The following ACIN1 variants were observed in gnomAD, a reference collection of about 807,000 sequenced individuals.
ACIN1 encodes apoptotic chromatin condensation inducer in the nucleus.
Under a neutral mutation model 146.6 loss-of-function variants are expected in ACIN1, and 16 were observed. That is an observed-to-expected ratio of 0.11 (90% CI 0.07 to 0.17). The LOEUF (loss-of-function observed/expected upper bound fraction) is 0.17, where lower values mean the gene tolerates loss of function less well. Among genes scored for constraint, ACIN1 ranks in the 10% least tolerant of loss-of-function variants. ACIN1 has a pLI of 1.00. For missense variants in ACIN1, 1,357 were observed against 1,609.3 expected, an observed-to-expected ratio of 0.84 and a Z score of 2.68; for synonymous variants, 569 against 582.7, an observed-to-expected ratio of 0.98 and a Z score of 0.34.
chr14:23,078,098 C>A (rs2047845636), intron 8 of ACIN1, 53 bp downstream of exon 8: 10 of 1,542,422 alleles, frequency 6.5e-6, no homozygotes, highest in Non-Finnish European at 8.0e-6. Context: ...GAGCGAAGAA[C>A]TATCGCACAC....
intron 4 of ACIN1, among the ~76,000 whole-genome samples, chr14:23,083,898 T>C (rs2048016567): frequency 1.3e-5 from 2 of 152,148 alleles, no homozygotes; most frequent in South Asian, 4.2e-4. Flanking sequence ...TGTATAGTAA[T>C]AGTGCAAATA....
chr14:23,064,608 A>G (rs565102058), intron 10 of ACIN1, 120 bp from the exon 11 acceptor site: 10 of 1,397,642 alleles, frequency 7.2e-6, no homozygotes, highest in Middle Eastern at 2.6e-4. Flanking sequence ...TAAAGAAATC[A>G]TATTTGGAGG....
chr14:23,059,044 G>T lies in ACIN1; in HGVS notation c.*104C>A. 8.9e-7 allele frequency: 1 copy of T among 1,121,018 alleles called. No homozygotes were observed. The highest frequency in any genetic ancestry group is 1.4e-5 in the South Asian group (1 of 71,348). 69.4% of individuals were successfully genotyped at this position (1,121,018 alleles called of 1,614,324 possible). On this transcript the variant is annotated 3_prime_UTR_variant, in exon 19 of 19. Coordinates refer to ENST00000605057, the MANE Select transcript of ACIN1 (RefSeq NM_001386863.1). ...GTATGTATGTAGGGATAGGTGATGTGAAAGACCCTTGGCTCCAGGGTGGTG... is the reference window on the plus strand; with the variant it reads ...GTATGTATGTAGGGATAGGTGATGTTAAAGACCCTTGGCTCCAGGGTGGTG...
intron 4 of ACIN1, among the ~76,000 whole-genome samples, chr14:23,083,745 TC>T (rs1159835037): frequency 6.6e-6 from 1 of 151,884 alleles, no homozygotes; most frequent in African/African-American, 2.4e-5. Flanking sequence ...ACAAAAAAGA[TC>T]AACTATGTAC....
In ACIN1 at chr14:23,080,015, C is replaced by T. The variant is rs979866563; in HGVS notation, c.1320G>A (p.Glu440=). 1.2e-6 allele frequency: 2 copies of T among 1,613,984 alleles called. No individual in the cohort carries two copies. Among genetic ancestry groups the T allele is most frequent in the African/African-American group, 2.7e-5 (2 of 74,910 alleles). ...TTTTCTGAACCAGAGGCAGGACACT[C>T]TCCTCTGGCACTTTCTCTGCTGGAG... The part of the protein sequence containing the change: ...AESPAEKVPE[E]SVLPLVQKST... The change falls in exon 6 of 19, where the codon GAG becomes GAA. Residue 440 remains glutamate (E), a synonymous_variant. Coordinates refer to ENST00000605057, the MANE Select transcript of ACIN1 (RefSeq NM_001386863.1).
intron 16 of ACIN1, 120 bp from the exon 17 acceptor site, chr14:23,061,742 G>A (rs997128358): frequency 1.2e-6 from 1 of 861,730 alleles, no homozygotes; most frequent in African/African-American, 1.7e-5. Context: ...GGGAGGCCAA[G>A]GCGGTCAGAT....
Position 23,067,406 on chromosome 14 carries a change from T to C in ACIN1, c.2266-1398A>G. 1.0e-6 allele frequency: 1 copy of C among 984,154 alleles called. No homozygotes were observed. 61.0% of individuals were successfully genotyped at this position (984,154 alleles called of 1,614,324 possible). ...AGAATGAGCCCTCCCTGCTAGGCGC[T>C]GTGCAATTGGTGGGGGGTTGGGTTG... On this transcript the variant is annotated intron_variant, in intron 9 of 18. Coordinates refer to ENST00000605057, the MANE Select transcript of ACIN1 (RefSeq NM_001386863.1). The surrounding 1 kb of genome is among the most constrained non-coding windows in gnomAD (Gnocchi z 4.6).
Position 23,064,276 on chromosome 14 carries a change from C to A in ACIN1, c.2443-19G>T. On this transcript the variant is annotated intron_variant, in intron 11 of 18. Coordinates refer to ENST00000605057, the MANE Select transcript of ACIN1 (RefSeq NM_001386863.1). ...TGAGGCTCTGGGACACAGATACCCC[C>A]CACCCCGTTACACTGGGCCCATGTC... The A allele has an allele frequency of 6.2e-7, 1 of 1,613,988 alleles. No homozygotes were observed. Among genetic ancestry groups the A allele is most frequent in the South Asian group, 1.1e-5 (1 of 91,078 alleles).
In ACIN1 at chr14:23,089,928, C is replaced by T. The variant is rs2140231103; in HGVS notation, c.436+54G>A. On this transcript the variant is annotated intron_variant, in intron 4 of 18. Transcript: ENST00000605057. ...ATGAAAGGAGGTGTAACTACCTCCC[C>T]CCACCAACTACGCAGGATTGACAAA... is the stretch of plus-strand genomic sequence containing the variant. 4 of 1,494,618 alleles carry T rather than the reference C, an allele frequency of 2.7e-6. No homozygotes were observed. In the South Asian group the frequency reaches 4.0e-5, roughly 15 times the overall value. The allele number at this position is 1,494,618 out of a possible 1,614,324, so 92.6% of individuals were successfully genotyped here. A position where few individuals can be genotyped will look rare whatever the true frequency, so the allele number is the denominator to read the frequency against.
chr14:23,078,379 A>T, intron 7 of ACIN1, 113 bp from the exon 8 acceptor site: 1 of 728,612 alleles, frequency 1.4e-6, no homozygotes. Context: ...TACCAGCTCC[A>T]CACACGGCCC....
chr14:23,078,414 A>T, intron 7 of ACIN1, 148 bp from the exon 8 acceptor site: 1 of 593,080 alleles, frequency 1.7e-6, no homozygotes, highest in Non-Finnish European at 2.9e-6. Context: ...TTCATTTTAG[A>T]ATAAGGAAAG....
At position 23,063,462 on chromosome 14, in the gene ACIN1, G is replaced by C. The variant is rs149423370; in HGVS notation, c.2711C>G (p.Pro904Arg). 2.5e-6 allele frequency: 4 copies of C among 1,614,138 alleles called. No individual in the cohort carries two copies. The highest frequency in any genetic ancestry group is 3.4e-6 in the Non-Finnish European group (4 of 1,180,018). ...PQVSVEVALP[P>R]PAEHEVKKVT... ...TTTCTTTACTTCATGCTCTGCAGGT[G>C]GGGGCAAGGCCACCTCTACTGACAC... Residue 904 changes from proline to arginine, a missense_variant, in exon 13 of 19, where the codon CCA becomes CGA. By Grantham distance (103) the Pro-to-Arg change is moderately radical (BLOSUM62 -2). This residue lies in a region of ACIN1 where 509 missense variants were observed against 719.6 expected (regional missense o/e 0.71). Transcript: ENST00000605057.
In ACIN1 at chr14:23,058,987, T is replaced by TG. The variant is rs950116331; in HGVS notation, c.*160dup. On this transcript the variant is annotated 3_prime_UTR_variant, in exon 19 of 19. Transcript: ENST00000605057. Reference sequence around the variant, plus strand: ...AAGAGATAGGTTAAGGGGGTGTGTTTGGGGGGAAAAGGATGGCCACTTTTC... The same window carrying TG: ...AAGAGATAGGTTAAGGGGGTGTGTTTGGGGGGGAAAAGGATGGCCACTTTTC... The TG allele has an allele frequency of 2.7e-5, 18 of 659,252 alleles. No individual in the cohort carries two copies. The highest frequency in any genetic ancestry group is 3.4e-5 in the Non-Finnish European group (13 of 385,914). The allele number at this position is 659,252 out of a possible 1,614,324, so 40.8% of individuals were successfully genotyped here.
chr14:23,066,207 C>T (rs2047451727), intron 9 of ACIN1, 199 bp from the exon 10 acceptor site: 1 of 529,044 alleles, frequency 1.9e-6, no homozygotes, highest in Non-Finnish European at 3.4e-6. Context: ...AGAATCAATG[C>T]AAGTTAGAGA....
At chr14:23,075,511 T>A (rs115340015) in intron 8 of ACIN1, among the ~76,000 whole-genome samples, 1 of 151,976 alleles carries the variant, frequency 6.6e-6, no homozygotes, top group African/African-American at 2.4e-5. Flanking sequence ...AAATTTAGAA[T>A]TCCTCAGGCA....
intron 9 of ACIN1, 134 bp downstream of exon 9, chr14:23,069,342 T>A: frequency 6.9e-7 from 1 of 1,451,020 alleles, no homozygotes; most frequent in African/African-American, 1.4e-5. Flanking sequence ...CCCTTGGCCC[T>A]ATTCTGATCC....
chr14:23,094,457 C>A (rs767673371), intron 1 of ACIN1: 3 of 985,032 alleles, frequency 3.0e-6, no homozygotes, highest in African/African-American at 1.7e-5. Context: ...TCTCTCTCAT[C>A]AAGTCCCTTC....
At chr14:23,094,834 C>A in intron 1 of ACIN1, 141 bp downstream of exon 1, 1 of 1,271,400 alleles carries the variant, frequency 7.9e-7, no homozygotes, top group Non-Finnish European at 1.1e-6. Context: ...TCATCAACCA[C>A]CGTGCGCGCG....
Position 23,059,344 on chromosome 14 carries a change from C to CGCTCCA in ACIN1, c.3650_3655dup (p.Leu1217_Glu1218dup). ...CCGACTGTGCTCCCGACGTTTCTCT[C>CGCTCCA]GCTCCAGCTGTCGGTTCCGTTCCCG... On this transcript the variant is annotated inframe_insertion, in exon 19 of 19. Coordinates refer to ENST00000605057, the MANE Select transcript of ACIN1 (RefSeq NM_001386863.1). 6.2e-7 allele frequency: 1 copy of CGCTCCA among 1,609,190 alleles called. No individual in the cohort carries two copies. The highest frequency in any genetic ancestry group is 8.5e-7 in the Non-Finnish European group (1 of 1,175,552).
Sources: gnomAD v4.1 joint callset for allele counts (sites outside exome capture counted in the v4.1 genomes callset) on GRCh38, gnomAD v4.1.1 for gene constraint, gnomAD v4.1.1 regional missense constraint, Gnocchi (gnomAD v3.1) non-coding constraint, MANE v1.5 for transcripts, NCBI Gene and HGNC (gene_info 2026-07-23, HGNC 2026-07-21) for gene names.